Variants in TMPRSS6 observed in about 807,000 individuals in gnomAD.
TMPRSS6 encodes transmembrane serine protease 6, also known as transmembrane protease serine 6.
In TMPRSS6, 67 loss-of-function variants were observed where a neutral mutation model predicts 101.5. The ratio of observed to expected loss-of-function variants is 0.66; its 90% confidence interval spans 0.54 to 0.81. TMPRSS6 has a LOEUF of 0.81. Among genes scored for constraint, TMPRSS6 ranks in the 30% least tolerant of loss-of-function variants. TMPRSS6 has a pLI of 0.00. For missense variants in TMPRSS6, 1,034 were observed against 1,088.7 expected, an observed-to-expected ratio of 0.95 and a Z score of 0.71; for synonymous variants, 453 against 464.9, an observed-to-expected ratio of 0.97 and a Z score of 0.33.
In TMPRSS6 at chr22:37,098,527, G is replaced by C; in HGVS notation, c.225C>G (p.Val75=). 1 of 1,614,136 alleles carries C rather than the reference G, an allele frequency of 6.2e-7. No homozygotes were observed. Among genetic ancestry groups the C allele is most frequent in the Non-Finnish European group, 8.5e-7 (1 of 1,180,026 alleles). ...YFLGYKAEVM[V]SQVYSGSLRV... ...GCAGACTGCCTGAGTACACCTGGCT[G>C]ACCATCACCTCCGCCTTGTACCCTG... is the stretch of plus-strand genomic sequence containing the variant. The change falls in exon 3 of 18, where the codon GTC becomes GTG. Residue 75 remains valine (V), a synonymous_variant. Coordinates refer to ENST00000676104, the MANE Select transcript of TMPRSS6 (RefSeq NM_001374504.1).
At position 37,103,873 on chromosome 22, in the gene TMPRSS6, G is replaced by A. The variant is rs1288485717; in HGVS notation, c.-1-455C>T. On this transcript the variant is annotated intron_variant, in intron 1 of 17. Coordinates refer to ENST00000676104, the MANE Select transcript of TMPRSS6 (RefSeq NM_001374504.1). This position sits in a 1 kb window ranked among gnomAD's most constrained non-coding sequence, Gnocchi z 4.4. The stretch of plus-strand genomic sequence containing the variant: ...TCTGGTTCACGGAGCTTCCCACCAC[G>A]CCCACACAGTCCATGCACTTAGCCC... Among the ~76,000 whole-genome samples the A allele has an allele frequency of 2.6e-5, 4 of 152,026 alleles. No homozygotes were observed. Among genetic ancestry groups the A allele is most frequent in the South Asian group, 2.1e-4 (1 of 4,818 alleles).
At position 37,095,533 on chromosome 22, in the gene TMPRSS6, G is replaced by GA. The variant is rs565759264; in HGVS notation, c.631+17dup. 447 of 1,558,790 alleles carry GA rather than the reference G, an allele frequency of 2.9e-4. No individual in the cohort carries two copies. The highest frequency in any genetic ancestry group is 3.4e-4 in the Non-Finnish European group (394 of 1,146,928). On this transcript the variant is annotated intron_variant, in intron 6 of 17. Coordinates refer to ENST00000676104, the MANE Select transcript of TMPRSS6 (RefSeq NM_001374504.1). ...CAACTCAAAAGGAAAATGGGGAGGG[G>GA]AAAAAAAAATAGCGTACCCAGCGTG...
chr22:37,106,955 T>C (rs1452298280), intron 1 of TMPRSS6, among the ~76,000 whole-genome samples: 3 of 152,240 alleles, frequency 2.0e-5, no homozygotes, highest in Admixed American at 6.5e-5. Context: ...AGATCAAGAA[T>C]ATGCCTTGGC....
At chr22:37,075,037 GC>G in intron 11 of TMPRSS6, 97 bp downstream of exon 11, 1 of 1,581,614 alleles carries the variant, frequency 6.3e-7, no homozygotes, top group South Asian at 1.1e-5. Flanking sequence ...CTTTTGTTCA[GC>G]CTCATAAGCA....
intron 10 of TMPRSS6, among the ~76,000 whole-genome samples, chr22:37,081,298 C>T (rs916176868): frequency 3.3e-5 from 5 of 152,190 alleles, no homozygotes; most frequent in Admixed American, 6.5e-5. Flanking sequence ...GTCTCTTTCA[C>T]GCCCTTTTTT....
intron 10 of TMPRSS6, among the ~76,000 whole-genome samples, chr22:37,081,690 TC>T (rs1352899727): frequency 1.3e-5 from 2 of 152,112 alleles, no homozygotes; most frequent in Admixed American, 1.3e-4. Flanking sequence ...TCAGGCCTCA[TC>T]CTCACCACCC....
upstream of TMPRSS6, among the ~76,000 whole-genome samples, chr22:37,110,370 T>C (rs228917): frequency 0.41 from 62,340 of 151,564 alleles, 12,955 homozygotes; most frequent in South Asian, 0.49. Flanking sequence ...CTCGAACTCC[T>C]GACCTCAAGT....
chr22:37,066,031 G>C lies in TMPRSS6; in HGVS notation c.*49C>G. 1 of 1,612,166 alleles carries C rather than the reference G, an allele frequency of 6.2e-7. No individual in the cohort carries two copies. Among genetic ancestry groups the C allele is most frequent in the Non-Finnish European group, 8.5e-7 (1 of 1,179,464 alleles). On this transcript the variant is annotated 3_prime_UTR_variant, in exon 18 of 18. Coordinates refer to ENST00000676104, the MANE Select transcript of TMPRSS6 (RefSeq NM_001374504.1). ...GTCCCCCTGCTTGGCAGTTGCCCTG[G>C]GCTCTCTGAGTCCAGGAGGTGGGCC...
Position 37,096,716 on chromosome 22 carries a change from C to A in TMPRSS6, c.337-1G>T, listed in dbSNP as rs1177444933. On this transcript the variant is annotated splice_acceptor_variant, in intron 3 of 17. Transcript: ENST00000676104. LOFTEE classifies it high-confidence loss of function. ...GGGTGCTGGTGATGAGCTCCTTGAG[C>A]TGTGAGAAGGGAAGACAACAGCCCC... The A allele has an allele frequency of 5.1e-6, 8 of 1,562,028 alleles. No homozygotes were observed. The highest frequency in any genetic ancestry group is 2.4e-5 in the East Asian group (1 of 42,466).
chr22:37,071,116 A>G (rs562957775), intron 13 of TMPRSS6, 84 bp from the exon 14 acceptor site: 3 of 1,255,964 alleles, frequency 2.4e-6, no homozygotes, highest in African/African-American at 1.5e-5. Context: ...TGCAGGAACG[A>G]TGGAGCCAGA....
Position 37,069,408 on chromosome 22 carries a change from A to T in TMPRSS6, c.1842-64T>A, listed in dbSNP as rs1926682100. On this transcript the variant is annotated intron_variant, in intron 15 of 17. Transcript: ENST00000676104. The surrounding 1 kb of genome is among the most constrained non-coding windows in gnomAD (Gnocchi z 4.8). The stretch of plus-strand genomic sequence containing the variant: ...AGGTGGGAGGAAGCTGCCTCTCCCC[A>T]TCCAGGGACCCTCAAGATAGCCAGA... The T allele has an allele frequency of 3.4e-6, 5 of 1,449,578 alleles. No individual in the cohort carries two copies. The Middle Eastern group carries it at 7.3e-4, about 211-fold the overall frequency. The allele number at this position is 1,449,578 out of a possible 1,614,324, so 89.8% of individuals were successfully genotyped here. A position where few individuals can be genotyped will look rare whatever the true frequency, so the allele number is the denominator to read the frequency against.
At position 37,095,555 on chromosome 22, in the gene TMPRSS6, C is replaced by T. The variant is rs755738032; in HGVS notation, c.627G>A (p.Thr209=). The change falls in exon 6 of 18, where the codon ACG becomes ACA. Residue 209 remains threonine (T), a synonymous_variant. Transcript: ENST00000676104. ...SVKDIAALNS[T]LGCYRYSYVG... is the part of the protein sequence containing the mutation. ...GGGGAAAAAAAAATAGCGTACCCAGCGTGGAATTCAATGCAGCTATGTCTT... is the reference window on the plus strand; with the variant it reads ...GGGGAAAAAAAAATAGCGTACCCAGTGTGGAATTCAATGCAGCTATGTCTT... 6.2e-6 allele frequency: 10 copies of T among 1,609,802 alleles called. No individual in the cohort carries two copies. The highest frequency in any genetic ancestry group is 1.4e-5 in the African/African-American group (1 of 73,612).
chr22:37,075,029 T>A (rs557903520), intron 11 of TMPRSS6, 106 bp downstream of exon 11: 72 of 1,569,512 alleles, frequency 4.6e-5, no homozygotes, highest in Non-Finnish European at 6.2e-5. Context: ...TCTCTCTCCT[T>A]TTGTTCAGCC....
intron 2 of TMPRSS6, among the ~76,000 whole-genome samples, chr22:37,098,928 A>G (rs1930061482): frequency 6.6e-6 from 1 of 152,216 alleles, no homozygotes; most frequent in Non-Finnish European, 1.5e-5. Context: ...TCCACTCGTG[A>G]GGTCACCCAG....
Position 37,069,142 on chromosome 22 carries a change from C to G in TMPRSS6, c.2044G>C (p.Ala682Pro). Residue 682 changes from alanine to proline, a missense_variant, in exon 16 of 18, where the codon GCG becomes CCG. Transcript: ENST00000676104. The surrounding 1 kb of genome is among the most constrained non-coding windows in gnomAD (Gnocchi z 4.8). ...CCGGGCTCGAAGAAGTGGGAGCGCG[C>G]GGGCAGGCAGACGGGGCGCACGGCG... ...SAAVRPVCLPARSHFFEPGLH... is the reference protein window; with the variant it reads ...SAAVRPVCLPPRSHFFEPGLH... The G allele has an allele frequency of 6.4e-7, 1 of 1,571,910 alleles. No individual in the cohort carries two copies. The highest frequency in any genetic ancestry group is 8.6e-7 in the Non-Finnish European group (1 of 1,160,400).
intron 6 of TMPRSS6, among the ~76,000 whole-genome samples, chr22:37,092,028 G>T (rs139099607): frequency 6.6e-6 from 1 of 152,114 alleles, no homozygotes; most frequent in South Asian, 2.1e-4. Context: ...TCTTCCTAGG[G>T]TTTTGTGTTC....
upstream of TMPRSS6, among the ~76,000 whole-genome samples, chr22:37,109,840 C>A (rs896420101): frequency 2.0e-5 from 3 of 152,186 alleles, no homozygotes; most frequent in African/African-American, 7.2e-5. Context: ...TCCCCCGAGG[C>A]CCGTTGCCTG....
rs201182383 is a variant in TMPRSS6 at position 37,095,991 on chromosome 22, C to T, written c.504G>A (p.Glu168=). The T allele has an allele frequency of 1.0e-4, 167 of 1,614,240 alleles. 1 individual carries two copies. The East Asian group carries it at 2.5e-3, about 24-fold the overall frequency. ...SPEVVQALLV[E]ELLSTVNSSA... ...AGCTGTTGACTGTGGACAGCAGCTC[C>T]TCCACCAGCAGTGCCTGCACCACCT... The change falls in exon 5 of 18, where the codon GAG becomes GAA. Residue 168 remains glutamate (E), a synonymous_variant. Coordinates refer to ENST00000676104, the MANE Select transcript of TMPRSS6 (RefSeq NM_001374504.1).
chr22:37,098,294 C>T (rs1929998382), intron 3 of TMPRSS6, 122 bp downstream of exon 3: 1 of 1,444,310 alleles, frequency 6.9e-7, no homozygotes. Flanking sequence ...GTGCCTGGAG[C>T]AGGGCTGTGG....
Sources: gnomAD v4.1 joint callset for allele counts (sites outside exome capture counted in the v4.1 genomes callset) on GRCh38, gnomAD v4.1.1 for gene constraint, Gnocchi (gnomAD v3.1) non-coding constraint, MANE v1.5 for transcripts, NCBI Gene and HGNC (gene_info 2026-07-23, HGNC 2026-07-21) for gene names.